CCDC7: variants seen among roughly 807,000 people sequenced by gnomAD.
The protein encoded by CCDC7 is coiled-coil domain-containing protein 7.
Under a neutral mutation model 196.9 loss-of-function variants are expected in CCDC7, and 183 were observed. The ratio of observed to expected loss-of-function variants is 0.93; its 90% confidence interval spans 0.82 to 1.05. The LOEUF (loss-of-function observed/expected upper bound fraction) is 1.05, where lower values mean the gene tolerates loss of function less well. Among genes scored for constraint, CCDC7 ranks in the 50% least tolerant of loss-of-function variants. The probability of loss-of-function intolerance (pLI) is 0.00; values close to 1 mark genes in which losing one functional copy is unlikely to be tolerated. For missense variants in CCDC7, 1,540 were observed against 1,482.2 expected, an observed-to-expected ratio of 1.04 and a Z score of -0.64; for synonymous variants, 525 against 484.6, an observed-to-expected ratio of 1.08 and a Z score of -1.10.
At chr10:32,697,037 T>C (rs1483677152) in intron 24 of CCDC7, among the ~76,000 whole-genome samples, 2 of 152,212 alleles carry the variant, frequency 1.3e-5, no homozygotes, top group African/African-American at 4.8e-5. Flanking sequence ...GTGCACTTTA[T>C]TTATATTATT....
chr10:32,657,993 G>A (rs1489639677), intron 20 of CCDC7, among the ~76,000 whole-genome samples: 1 of 152,128 alleles, frequency 6.6e-6, no homozygotes, highest in Non-Finnish European at 1.5e-5. Context: ...CTTTATTCCA[G>A]TTCCGAACAA....
At chr10:32,702,375 G>T (rs1345928601) in intron 24 of CCDC7, among the ~76,000 whole-genome samples, 1 of 152,172 alleles carries the variant, frequency 6.6e-6, no homozygotes, top group Non-Finnish European at 1.5e-5. Flanking sequence ...TTGCACTGTG[G>T]TCTGAGAGAC....
At chr10:32,771,517 C>A (rs575157549) in intron 28 of CCDC7, among the ~76,000 whole-genome samples, 4 of 152,042 alleles carry the variant, frequency 2.6e-5, no homozygotes, top group Non-Finnish European at 5.9e-5. Context: ...TAGTTTTTTT[C>A]TTTTTAGGTT....
chr10:32,600,876 T>C (rs1365909757), intron 18 of CCDC7, among the ~76,000 whole-genome samples: 1 of 152,234 alleles, frequency 6.6e-6, no homozygotes, highest in Non-Finnish European at 1.5e-5. Flanking sequence ...GATTTCAACC[T>C]GAAGGATCTC....
intron 8 of CCDC7, among the ~76,000 whole-genome samples, chr10:32,485,484 C>T (rs995483093): frequency 1.3e-5 from 2 of 152,068 alleles, no homozygotes; most frequent in Non-Finnish European, 2.9e-5. Flanking sequence ...TTTTTTGTGT[C>T]TCTATTTCCT....
intron 32 of CCDC7, among the ~76,000 whole-genome samples, chr10:32,829,168 G>A (rs2091829575): frequency 6.6e-6 from 1 of 152,144 alleles, no homozygotes; most frequent in Admixed American, 6.5e-5. Flanking sequence ...ACCATGCCCT[G>A]TGATTAAGGT....
At chr10:32,492,032 C>A in intron 9 of CCDC7, 35 bp downstream of exon 10, 2 of 1,485,070 alleles carry the variant, frequency 1.3e-6, no homozygotes, top group South Asian at 1.5e-5. Context: ...TATTATTTTT[C>A]TATTTTTAAA....
intron 18 of CCDC7, among the ~76,000 whole-genome samples, chr10:32,594,070 T>C (rs1418936736): frequency 2.6e-5 from 4 of 152,178 alleles, no homozygotes; most frequent in African/African-American, 9.7e-5. Context: ...AAGTAGTTTT[T>C]TCCAATTCTG....
exon 9 of CCDC7, chr10:32,491,992 G>A: frequency 6.4e-7 from 1 of 1,562,026 alleles, no homozygotes; most frequent in Non-Finnish European, 8.6e-7. Context: ...CAAATATGTT[G>A]GAGAGGTAAG....
chr10:32,806,304 G>A (rs2085840317), intron 30 of CCDC7, among the ~76,000 whole-genome samples: 1 of 152,274 alleles, frequency 6.6e-6, no homozygotes, highest in Admixed American at 6.5e-5. Flanking sequence ...TGTCTAAAAT[G>A]TCCAGTTTTC....
chr10:32,702,916 C>T (rs1366592275), intron 24 of CCDC7, among the ~76,000 whole-genome samples: 7 of 152,062 alleles, frequency 4.6e-5, no homozygotes, highest in South Asian at 4.1e-4. Context: ...TGTCTCTGCA[C>T]GTGAGATGGG....
chr10:32,680,416 A>G (rs1260798853), intron 21 of CCDC7, among the ~76,000 whole-genome samples: 6 of 144,620 alleles, frequency 4.1e-5, no homozygotes, highest in Admixed American at 2.1e-4. Flanking sequence ...AGGGACACAC[A>G]TATGTTCTTT....
upstream of CCDC7, among the ~76,000 whole-genome samples, chr10:32,445,269 G>A (rs547943053): frequency 1.1e-4 from 17 of 152,174 alleles, no homozygotes; most frequent in Non-Finnish European, 2.1e-4. Context: ...TCCTAGTGGT[G>A]TGATGGAGCT....
intron 5 of CCDC7, among the ~76,000 whole-genome samples, chr10:32,463,299 G>T (rs184037309): frequency 2.4e-4 from 36 of 151,996 alleles, no homozygotes; most frequent in African/African-American, 8.4e-4. Context: ...TCCTAAAATT[G>T]AATAATGGAA....
chr10:32,679,646 A>T (rs776070128), intron 21 of CCDC7, among the ~76,000 whole-genome samples: 1 of 152,238 alleles, frequency 6.6e-6, no homozygotes, highest in Non-Finnish European at 1.5e-5. Context: ...ACACTTGGGT[A>T]CTAGGTACTT....
chr10:32,791,409 T>C (rs2082683391), intron 29 of CCDC7, among the ~76,000 whole-genome samples: 1 of 151,952 alleles, frequency 6.6e-6, no homozygotes, highest in Admixed American at 6.6e-5. Flanking sequence ...TGAAAAGGAA[T>C]TCAAAATAAT....
chr10:32,558,790 T>C (rs1319295576), intron 13 of CCDC7, among the ~76,000 whole-genome samples: 1 of 152,206 alleles, frequency 6.6e-6, no homozygotes. Context: ...TGGGTTCATC[T>C]CACTAGGGAG....
At chr10:32,486,298 T>C (rs1019241272) in intron 8 of CCDC7, among the ~76,000 whole-genome samples, 1 of 151,854 alleles carries the variant, frequency 6.6e-6, no homozygotes, top group African/African-American at 2.4e-5. Flanking sequence ...AAGTCTGTTT[T>C]ATCAGAGACT....
intron 8 of CCDC7, among the ~76,000 whole-genome samples, chr10:32,488,246 C>G (rs1261505490): frequency 6.6e-6 from 1 of 152,212 alleles, no homozygotes; most frequent in African/African-American, 2.4e-5. Context: ...GCTGTGCTAG[C>G]AATGAGTGAG....
Sources: gnomAD v4.1 joint callset for allele counts (sites outside exome capture counted in the v4.1 genomes callset) on GRCh38, gnomAD v4.1.1 for gene constraint, MANE v1.5 for transcripts, NCBI Gene and HGNC (gene_info 2026-07-23, HGNC 2026-07-21) for gene names.